The following SMAD1 variants were observed in gnomAD, a reference collection of about 807,000 sequenced individuals.
The protein encoded by SMAD1 is MAD, mothers against decapentaplegic homolog 1.
A neutral mutation model predicts 41.6 loss-of-function variants in SMAD1; 6 were observed. That is an observed-to-expected ratio of 0.14 (90% CI 0.08 to 0.28). The LOEUF (loss-of-function observed/expected upper bound fraction) is 0.28, where lower values mean the gene tolerates loss of function less well. SMAD1 is among the 10% of genes least tolerant of loss of function. The probability of loss-of-function intolerance (pLI) is 1.00; values close to 1 mark genes in which losing one functional copy is unlikely to be tolerated. For synonymous variants in SMAD1, 206 were observed against 203.2 expected (o/e 1.01, Z -0.12); for missense variants, 379 against 582.6 (o/e 0.65, Z 3.60).
At chr4:145,515,540 G>A (rs569875352) in intron 2 of SMAD1, among the ~76,000 whole-genome samples, 21 of 152,088 alleles carry the variant, frequency 1.4e-4, no homozygotes, top group African/African-American at 4.6e-4. Context: ...ATTTTGCTGT[G>A]GCATATTTCC....
At chr4:145,516,340 C>T (rs1303157440) in intron 2 of SMAD1, among the ~76,000 whole-genome samples, 3 of 152,140 alleles carry the variant, frequency 2.0e-5, no homozygotes, top group African/African-American at 7.2e-5. Flanking sequence ...AGATTATATA[C>T]TTTAGGATTA....
intron 1 of SMAD1, among the ~76,000 whole-genome samples, chr4:145,500,423 A>T (rs1729365366): frequency 6.6e-6 from 1 of 152,004 alleles, no homozygotes; most frequent in South Asian, 2.1e-4. Context: ...ACTCCTTGCC[A>T]TTCCTTGAAC....
chr4:145,484,053 ATTAG>A (rs1408654227), intron 1 of SMAD1, among the ~76,000 whole-genome samples: 1 of 152,218 alleles, frequency 6.6e-6, no homozygotes, highest in Non-Finnish European at 1.5e-5. Flanking sequence ...TATTACATTT[ATTAG>A]TTAAAAACTA....
rs778664041 is a variant in SMAD1, at chr4:145,485,322, C to T, written c.-177+3284C>T. Among the ~76,000 whole-genome samples, 83 of 152,168 alleles carry T rather than the reference C, an allele frequency of 5.5e-4. 1 individual carries two copies. The highest frequency in any genetic ancestry group is 4.7e-4 in the Non-Finnish European group (32 of 68,024). On this transcript the variant is annotated intron_variant, in intron 1 of 6. Coordinates refer to ENST00000302085, the MANE Select transcript of SMAD1 (RefSeq NM_005900.3). ...AACTCCTGGGCTCAAGCTGTTCTCC[C>T]GCCTCGGCCTCCCAAAGTGTTGGGG... is the stretch of plus-strand genomic sequence containing the variant.
In SMAD1 at chr4:145,557,776, G is replaced by A. The variant is rs1329062619; in HGVS notation, c.1255-15G>A. Reference sequence around the variant, plus strand: ...AGTTAAACAAGTTAAATGACCTCCAGTATGTTTTTCCTAGGGCTGGGGAGC... The same window carrying A: ...AGTTAAACAAGTTAAATGACCTCCAATATGTTTTTCCTAGGGCTGGGGAGC... On this transcript the variant is annotated splice_polypyrimidine_tract_variant and intron_variant, in intron 6 of 6. Coordinates refer to ENST00000302085, the MANE Select transcript of SMAD1 (RefSeq NM_005900.3). The A allele has an allele frequency of 1.3e-6, 2 of 1,596,550 alleles. No individual in the cohort carries two copies. Among genetic ancestry groups the A allele is most frequent in the Admixed American group, 1.7e-5 (1 of 58,278 alleles).
intron 2 of SMAD1, among the ~76,000 whole-genome samples, chr4:145,528,331 C>G (rs554782292): frequency 6.6e-6 from 1 of 152,076 alleles, no homozygotes; most frequent in Non-Finnish European, 1.5e-5. Flanking sequence ...TCTCGAACTC[C>G]TAATCTTGTG....
chr4:145,499,415 G>A (rs1560728316), intron 1 of SMAD1, among the ~76,000 whole-genome samples: 1 of 152,174 alleles, frequency 6.6e-6, no homozygotes, highest in Non-Finnish European at 1.5e-5. Flanking sequence ...TAGCCCAGAA[G>A]TTTGAGACCA....
chr4:145,502,119 G>A (rs1380564107), intron 1 of SMAD1, among the ~76,000 whole-genome samples: 1 of 152,160 alleles, frequency 6.6e-6, no homozygotes, highest in Non-Finnish European at 1.5e-5. Flanking sequence ...TCCTGGGATA[G>A]TCAATAAAAT....
At chr4:145,497,343 A>G (rs940154365) in intron 1 of SMAD1, 4 of 152,212 alleles carry the variant, frequency 2.6e-5, no homozygotes, top group Admixed American at 2.0e-4. Context: ...CTCTGTCTGC[A>G]CGTATGTTTC....
intron 2 of SMAD1, among the ~76,000 whole-genome samples, chr4:145,535,173 G>C (rs1356684002): frequency 6.6e-6 from 1 of 152,148 alleles, no homozygotes; most frequent in Non-Finnish European, 1.5e-5. Context: ...TCACCCATCA[G>C]GTTGTCAGGA....
intron 4 of SMAD1, chr4:145,544,581 C>CA (rs1290488815): frequency 0.013 from 1,411 of 108,878 alleles, 26 homozygotes; most frequent in African/African-American, 0.038. Context: ...AACTCAGTCT[C>CA]AAAAAAAAAA....
At chr4:145,487,628 G>A (rs1728545863) in intron 1 of SMAD1, among the ~76,000 whole-genome samples, 1 of 152,172 alleles carries the variant, frequency 6.6e-6, no homozygotes, top group Non-Finnish European at 1.5e-5. Flanking sequence ...TCACTCTGCT[G>A]TAGCCACCTT....
intron 2 of SMAD1, among the ~76,000 whole-genome samples, 161 bp downstream of exon 2, chr4:145,515,174 G>GTGTGTGTGTC (rs1553945868): frequency 4.7e-5 from 7 of 150,228 alleles, no homozygotes; most frequent in African/African-American, 1.7e-4. Context: ...GTGTGTGTGT[G>GTGTGTGTGTC]TGTCTGTGTG....
chr4:145,501,562 T>C (rs1729438862), intron 1 of SMAD1, among the ~76,000 whole-genome samples: 2 of 152,104 alleles, frequency 1.3e-5, no homozygotes, highest in Non-Finnish European at 2.9e-5. Context: ...GCATGTTTGT[T>C]GTCATAAACA....
At chr4:145,522,590 ACT>A (rs1414738115) in intron 2 of SMAD1, among the ~76,000 whole-genome samples, 1 of 151,716 alleles carries the variant, frequency 6.6e-6, no homozygotes, top group African/African-American at 2.4e-5. Flanking sequence ...CAAAAGCAAA[ACT>A]CTGTCTCCAA....
intron 2 of SMAD1, among the ~76,000 whole-genome samples, chr4:145,519,492 T>C (rs1730616447): frequency 6.6e-6 from 1 of 151,448 alleles, no homozygotes. Flanking sequence ...CGTCTTAATT[T>C]TTTTTTTTTT....
chr4:145,549,305 A>C (rs1269716389), intron 5 of SMAD1, among the ~76,000 whole-genome samples: 1 of 152,234 alleles, frequency 6.6e-6, no homozygotes, highest in Non-Finnish European at 1.5e-5. Context: ...AGCATTGCCA[A>C]CTATACTATG....
At chr4:145,545,700 A>C (rs1330782798) in intron 4 of SMAD1, 2 of 152,068 alleles carry the variant, frequency 1.3e-5, no homozygotes, top group South Asian at 2.1e-4. Context: ...TGGGCTTCTG[A>C]TGTGGACTTT....
intron 1 of SMAD1, among the ~76,000 whole-genome samples, chr4:145,512,087 G>C (rs1238463534): frequency 6.6e-6 from 1 of 152,154 alleles, no homozygotes; most frequent in Admixed American, 6.5e-5. Flanking sequence ...TCATTTCATT[G>C]TCTTCTGGTT....
Sources: gnomAD v4.1 joint callset for allele counts (sites outside exome capture counted in the v4.1 genomes callset) on GRCh38, gnomAD v4.1.1 for gene constraint, MANE v1.5 for transcripts, NCBI Gene and HGNC (gene_info 2026-07-23, HGNC 2026-07-21) for gene names.